The following ZNF383 variants were observed in gnomAD, a reference collection of about 807,000 sequenced individuals.
The protein encoded by ZNF383 is zinc finger protein 383.
In ZNF383, 32 loss-of-function variants were observed where a neutral mutation model predicts 44.2. The observed-to-expected ratio is 0.72, with a 90% CI of 0.55 to 0.97. The LOEUF (loss-of-function observed/expected upper bound fraction) is 0.97. Ranked by LOEUF, ZNF383 falls within the 50% of genes least tolerant of loss-of-function variation. The pLI is 0.00. For missense variants in ZNF383, 487 were observed against 562.5 expected, an observed-to-expected ratio of 0.87 and a Z score of 1.36; for synonymous variants, 155 against 186.2, an observed-to-expected ratio of 0.83 and a Z score of 1.36.
At chr19:37,234,597 A>G (rs1028078556) in intron 3 of ZNF383, among the ~76,000 whole-genome samples, 1 of 151,756 alleles carries the variant, frequency 6.6e-6, no homozygotes, top group Non-Finnish European at 1.5e-5. Context: ...TCACCGTGTT[A>G]GCCAGGATGG....
At chr19:37,238,405 A>T (rs1973926891) in intron 5 of ZNF383, among the ~76,000 whole-genome samples, 1 of 151,428 alleles carries the variant, frequency 6.6e-6, no homozygotes, top group Non-Finnish European at 1.5e-5. Context: ...CTATATTATT[A>T]TATGTCCATG....
intron 2 of ZNF383, chr19:37,227,824 A>G (rs1973257771): frequency 1.3e-5 from 2 of 152,370 alleles, no homozygotes; most frequent in East Asian, 1.9e-4. Context: ...GAGAGGGGAC[A>G]GTTTACGTCA....
rs1974353840 is a variant in ZNF383, at chr19:37,245,887, C to G, written c.*2223C>G. 6.6e-6 allele frequency: 1 copy of G among 152,128 alleles called. No individual in the cohort carries two copies. The highest frequency in any genetic ancestry group is 1.5e-5 in the Non-Finnish European group (1 of 68,116). 9.4% of individuals were successfully genotyped at this position (152,128 alleles called of 1,614,324 possible). On this transcript the variant is annotated 3_prime_UTR_variant, in exon 6 of 6. Transcript: ENST00000684119. The stretch of plus-strand genomic sequence containing the variant: ...TCTCGGCTCACTGCAACCTCTGCCT[C>G]CCGAGTTCAAGTGAGTCTTCCGCCT...
Position 37,243,449 on chromosome 19 carries a change from C to G in ZNF383, c.1213C>G (p.Gln405Glu). Residue 405 changes from glutamine to glutamate, a missense_variant, in exon 6 of 6, where the codon CAG becomes GAG. Coordinates refer to ENST00000684119, the MANE Select transcript of ZNF383 (RefSeq NM_001387601.1). ...TCTTGAATGTGGGAAGGCCTTTACT[C>G]AGAACTCACAACTTTTCCAGCATCA... ...ECLECGKAFT[Q>E]NSQLFQHQRI... 6.2e-7 allele frequency: 1 copy of G among 1,613,804 alleles called. No individual in the cohort carries two copies. Among genetic ancestry groups the G allele is most frequent in the South Asian group, 1.1e-5 (1 of 91,048 alleles).
rs556541494 is a variant in ZNF383 at position 37,235,143 on chromosome 19, C to T, written c.10-406C>T. Among the ~76,000 whole-genome samples, 553 of 151,978 alleles carry T rather than the reference C, an allele frequency of 3.6e-3. 3 individuals are homozygous for T. Among genetic ancestry groups the T allele is most frequent in the Non-Finnish European group, 6.2e-3 (419 of 67,976 alleles). On this transcript the variant is annotated intron_variant, in intron 3 of 5. Coordinates refer to ENST00000684119, the MANE Select transcript of ZNF383 (RefSeq NM_001387601.1). ...CAAAAATTAGCTAGGTGTGGTGGTGCGTGCCTGTAATCCCCGCTACTCGGG... is the reference window on the plus strand; with the variant it reads ...CAAAAATTAGCTAGGTGTGGTGGTGTGTGCCTGTAATCCCCGCTACTCGGG...
At chr19:37,222,946 AT>A (rs1285965760) in intron 1 of ZNF383, among the ~76,000 whole-genome samples, 1 of 152,192 alleles carries the variant, frequency 6.6e-6, no homozygotes, top group Non-Finnish European at 1.5e-5. Context: ...ACAAGAATAG[AT>A]TTTACAACAA....
In ZNF383 at chr19:37,246,737, T is replaced by A. The variant is rs1974386809; in HGVS notation, c.*3073T>A. 1 of 152,114 alleles carries A rather than the reference T, an allele frequency of 6.6e-6. No homozygotes were observed. Among genetic ancestry groups the A allele is most frequent in the Non-Finnish European group, 1.5e-5 (1 of 68,004 alleles). 9.4% of individuals were successfully genotyped at this position (152,114 alleles called of 1,614,324 possible). A position where few individuals can be genotyped will look rare whatever the true frequency, so the allele number is the denominator to read the frequency against. ...CTGGGAGTTGGAGGTTATAGTGAGC[T>A]GAGATTGCACCACTGCACACTCCAG... On this transcript the variant is annotated 3_prime_UTR_variant, in exon 6 of 6. Transcript: ENST00000684119.
chr19:37,230,156 C>G (rs1263650275), intron 2 of ZNF383, among the ~76,000 whole-genome samples: 1 of 152,072 alleles, frequency 6.6e-6, no homozygotes, highest in South Asian at 2.1e-4. Flanking sequence ...AGGTCTGGCC[C>G]GAATCCGTTG....
At chr19:37,230,973 G>A (rs981127289) in intron 3 of ZNF383, among the ~76,000 whole-genome samples, 4 of 152,168 alleles carry the variant, frequency 2.6e-5, no homozygotes, top group African/African-American at 9.7e-5. Flanking sequence ...CTGATACAGA[G>A]CTCTGCAACT....
intron 5 of ZNF383, among the ~76,000 whole-genome samples, chr19:37,241,674 G>C (rs1229843767): frequency 1.3e-5 from 2 of 152,032 alleles, no homozygotes; most frequent in African/African-American, 4.8e-5. Flanking sequence ...CTGGTAATCA[G>C]ACCCCACCCT....
chr19:37,229,700 A>ATATATATGTGTGTGTATATATATG, intron 2 of ZNF383, among the ~76,000 whole-genome samples: 1 of 55,592 alleles, frequency 1.8e-5, no homozygotes, highest in South Asian at 5.8e-4. Context: ...ATATATATGT[A>ATATATATGTGTGTGTATATATATG]TATATATATG....
At chr19:37,235,150 G>A (rs1973720060) in intron 3 of ZNF383, among the ~76,000 whole-genome samples, 2 of 152,008 alleles carry the variant, frequency 1.3e-5, no homozygotes, top group South Asian at 2.1e-4. Flanking sequence ...GTGCGTGCCT[G>A]TAATCCCCGC....
rs1445394434 is a variant in ZNF383, at chr19:37,246,540, G to T, written c.*2876G>T. 1.3e-5 allele frequency: 2 copies of T among 152,148 alleles called. No homozygotes were observed. The highest frequency in any genetic ancestry group is 4.1e-4 in the South Asian group (2 of 4,826). 9.4% of individuals were successfully genotyped at this position (152,148 alleles called of 1,614,324 possible). A position where few individuals can be genotyped will look rare whatever the true frequency, so the allele number is the denominator to read the frequency against. On this transcript the variant is annotated 3_prime_UTR_variant, in exon 6 of 6. Coordinates refer to ENST00000684119, the MANE Select transcript of ZNF383 (RefSeq NM_001387601.1). Reference sequence around the variant, plus strand: ...AATCCTAGCACTTTGGGAGGCCAAGGTGGGTGGATCACTTGAGGTCAGGAG... The same window carrying T: ...AATCCTAGCACTTTGGGAGGCCAAGTTGGGTGGATCACTTGAGGTCAGGAG...
chr19:37,229,876 C>T (rs374482386), intron 2 of ZNF383, among the ~76,000 whole-genome samples: 166 of 144,274 alleles, frequency 1.2e-3, no homozygotes, highest in African/African-American at 3.6e-3. Flanking sequence ...GGGGTGGATG[C>T]GGGTGTTGTG....
intron 1 of ZNF383, among the ~76,000 whole-genome samples, chr19:37,221,237 C>T (rs1031660485): frequency 6.6e-6 from 1 of 152,170 alleles, no homozygotes; most frequent in African/African-American, 2.4e-5. Context: ...GTATTCTAAT[C>T]TTTAATGAAT....
chr19:37,222,749 A>G (rs1972985086), intron 1 of ZNF383, among the ~76,000 whole-genome samples: 1 of 152,182 alleles, frequency 6.6e-6, no homozygotes, highest in South Asian at 2.1e-4. Context: ...CTGTTATGAA[A>G]AACGCTGCCG....
At position 37,248,385 on chromosome 19, in the gene ZNF383, T is replaced by A. The variant is rs1974441068; in HGVS notation, c.*4721T>A. 1 of 152,214 alleles carries A rather than the reference T, an allele frequency of 6.6e-6. No individual in the cohort carries two copies. The highest frequency in any genetic ancestry group is 6.5e-5 in the Admixed American group (1 of 15,284). The allele number at this position is 152,214 out of a possible 1,614,324, so 9.4% of individuals were successfully genotyped here. The stretch of plus-strand genomic sequence containing the variant: ...GTTATGAAAATACAGCATTATAAAT[T>A]AGCAAATCAAATCTAGTAACCCATT... On this transcript the variant is annotated 3_prime_UTR_variant, in exon 6 of 6. Transcript: ENST00000684119.
intron 1 of ZNF383, among the ~76,000 whole-genome samples, chr19:37,220,350 C>T (rs1211549485): frequency 2.0e-5 from 3 of 152,112 alleles, no homozygotes; most frequent in South Asian, 2.1e-4. Context: ...TGCAACCTCC[C>T]GCCTCCCGAG....
chr19:37,222,612 A>G (rs1226133852), intron 1 of ZNF383, among the ~76,000 whole-genome samples: 5 of 152,148 alleles, frequency 3.3e-5, no homozygotes, highest in East Asian at 1.9e-4. Context: ...TCCTGACCTC[A>G]GGTGATCCGC....
Sources: allele counts gnomAD v4.1 joint callset (sites outside exome capture counted in the v4.1 genomes callset), GRCh38; gene constraint gnomAD v4.1.1; transcripts MANE v1.5; gene names NCBI Gene and HGNC (gene_info 2026-07-23, HGNC 2026-07-21).